Variants in AUTS2 observed in about 807,000 individuals in gnomAD.
AUTS2 encodes autism susceptibility gene 2 protein.
A neutral mutation model predicts 112.4 loss-of-function variants in AUTS2; 17 were observed. That is an observed-to-expected ratio of 0.15 (90% CI 0.10 to 0.23). The LOEUF is 0.23. AUTS2 is among the 10% of genes least tolerant of loss of function. AUTS2 has a pLI of 1.00. For synonymous variants in AUTS2, 751 were observed against 702.7 expected (o/e 1.07, Z -1.09); for missense variants, 1,510 against 1,701.6 (o/e 0.89, Z 1.98).
chr7:69,705,729 G>A (rs1229367460), intron 1 of AUTS2, among the ~76,000 whole-genome samples: 1 of 152,186 alleles, frequency 6.6e-6, no homozygotes, highest in Non-Finnish European at 1.5e-5. Context: ...CAAAGACCAG[G>A]TGACTTAAAC....
chr7:70,163,356 GGGCAGA>G (rs1562753292), intron 4 of AUTS2, among the ~76,000 whole-genome samples: 7 of 77,324 alleles, frequency 9.1e-5, no homozygotes, highest in South Asian at 6.3e-4. Context: ...GGGGGGGGGG[GGGCAGA>G]GGGGGAGGGA....
At chr7:70,471,786 G>C (rs1032665244) in intron 5 of AUTS2, among the ~76,000 whole-genome samples, 2 of 152,170 alleles carry the variant, frequency 1.3e-5, no homozygotes, top group Non-Finnish European at 2.9e-5. Context: ...ATCTGAAGGA[G>C]GTGAGATGTG....
chr7:69,642,293 G>C (rs1477063724), intron 1 of AUTS2, among the ~76,000 whole-genome samples: 1 of 151,878 alleles, frequency 6.6e-6, no homozygotes, highest in South Asian at 2.1e-4. Flanking sequence ...TATTTTTAAG[G>C]GAAGGGAAAA....
intron 2 of AUTS2, among the ~76,000 whole-genome samples, chr7:69,932,513 T>C (rs1170663940): frequency 6.6e-6 from 1 of 152,196 alleles, no homozygotes; most frequent in Non-Finnish European, 1.5e-5. Context: ...GCTACAGGTA[T>C]TGACAGTAAA....
intron 1 of AUTS2, among the ~76,000 whole-genome samples, chr7:69,807,121 T>A (rs1790344358): frequency 6.6e-6 from 1 of 152,190 alleles, no homozygotes; most frequent in African/African-American, 2.4e-5. Flanking sequence ...GAAATGAATC[T>A]TAAGCCTAAT....
intron 1 of AUTS2, among the ~76,000 whole-genome samples, chr7:69,748,384 A>G (rs1277672023): frequency 6.6e-6 from 1 of 152,196 alleles, no homozygotes; most frequent in Non-Finnish European, 1.5e-5. Context: ...TGTAATAGCA[A>G]TTATTGTTAG....
chr7:69,676,704 T>C (rs1796580151), intron 1 of AUTS2, among the ~76,000 whole-genome samples: 1 of 152,230 alleles, frequency 6.6e-6, no homozygotes, highest in African/African-American at 2.4e-5. Context: ...ATGATTACTT[T>C]TCAGTATTCT....
intron 2 of AUTS2, among the ~76,000 whole-genome samples, chr7:69,980,060 A>G (rs1798231599): frequency 6.6e-6 from 1 of 152,060 alleles, no homozygotes; most frequent in Admixed American, 6.6e-5. Flanking sequence ...GTACCACCAG[A>G]CTTTTCCCCA....
intron 5 of AUTS2, among the ~76,000 whole-genome samples, chr7:70,600,310 C>G (rs1268414833): frequency 6.6e-6 from 1 of 152,110 alleles, no homozygotes; most frequent in African/African-American, 2.4e-5. Context: ...AAGTCTTGCT[C>G]TGTTGCCCAG....
intron 5 of AUTS2, among the ~76,000 whole-genome samples, chr7:70,591,570 T>C (rs1802948841): frequency 6.6e-6 from 1 of 152,158 alleles, no homozygotes; most frequent in African/African-American, 2.4e-5. Flanking sequence ...ACTAACTTTA[T>C]ATATTTTTAG....
chr7:69,648,278 G>A (rs1046937493), intron 1 of AUTS2, among the ~76,000 whole-genome samples: 2 of 152,066 alleles, frequency 1.3e-5, no homozygotes, highest in Non-Finnish European at 2.9e-5. Flanking sequence ...GTGATATACA[G>A]AAGAAAAATA....
intron 4 of AUTS2, among the ~76,000 whole-genome samples, chr7:70,153,668 C>G (rs1238402632): frequency 6.6e-6 from 1 of 152,144 alleles, no homozygotes; most frequent in East Asian, 1.9e-4. Flanking sequence ...TGCCTCTTTT[C>G]CTATCTTTCT....
At chr7:69,733,694 T>G (rs1414310386) in intron 1 of AUTS2, among the ~76,000 whole-genome samples, 1 of 152,204 alleles carries the variant, frequency 6.6e-6, no homozygotes, top group Non-Finnish European at 1.5e-5. Flanking sequence ...GTGCCTCGCA[T>G]GTAAGCCACC....
intron 1 of AUTS2, among the ~76,000 whole-genome samples, chr7:69,630,421 A>G (rs1010146291): frequency 7.2e-5 from 11 of 152,326 alleles, no homozygotes; most frequent in Middle Eastern, 3.4e-3. Flanking sequence ...AGGATGTGCT[A>G]TTCTCACAGG....
At chr7:70,079,910 TCA>T (rs1301291668) in intron 2 of AUTS2, among the ~76,000 whole-genome samples, 1 of 152,188 alleles carries the variant, frequency 6.6e-6, no homozygotes, top group Non-Finnish European at 1.5e-5. Flanking sequence ...TCTTGCTGTA[TCA>T]CAGTGTGGCA....
At chr7:70,751,776 A>C (rs1445406166) in intron 6 of AUTS2, among the ~76,000 whole-genome samples, 1 of 152,172 alleles carries the variant, frequency 6.6e-6, no homozygotes, top group Non-Finnish European at 1.5e-5. Context: ...GCTGGAGTGC[A>C]GTGGGACGAT....
chr7:69,614,314 CTCTTTCTTTCTTTCTTTCTT>C (rs763131370), intron 1 of AUTS2, among the ~76,000 whole-genome samples: 5 of 83,320 alleles, frequency 6.0e-5, no homozygotes, highest in South Asian at 9.5e-4. Context: ...CACTCTCCGT[CTCTTTCTTTCTTTCTTTCTT>C]TCTTTCTTTC....
At chr7:70,602,276 A>G (rs1050722617) in intron 5 of AUTS2, among the ~76,000 whole-genome samples, 10 of 152,190 alleles carry the variant, frequency 6.6e-5, no homozygotes, top group African/African-American at 2.4e-4. Context: ...TGCTCTCTCA[A>G]CCTTGCACCA....
At chr7:70,624,563 GC>G (rs1261153342) in intron 5 of AUTS2, among the ~76,000 whole-genome samples, 1 of 152,130 alleles carries the variant, frequency 6.6e-6, no homozygotes, top group Non-Finnish European at 1.5e-5. Context: ...TAGTCTCTAT[GC>G]AAGCCCCAAC....
Sources: gnomAD v4.1 joint callset for allele counts (sites outside exome capture counted in the v4.1 genomes callset) on GRCh38, gnomAD v4.1.1 for gene constraint, MANE v1.5 for transcripts, NCBI Gene and HGNC (gene_info 2026-07-23, HGNC 2026-07-21) for gene names.